MTREX: variants seen among roughly 807,000 people sequenced by gnomAD.
MTREX encodes Mtr4 exosome RNA helicase.
Under a neutral mutation model 135.4 loss-of-function variants are expected in MTREX, and 76 were observed. The ratio of observed to expected loss-of-function variants is 0.56; its 90% CI spans 0.47 to 0.68. The LOEUF is 0.68. MTREX is among the 30% of genes least tolerant of loss of function. MTREX has a pLI of 0.00. For synonymous variants in MTREX, 404 were observed against 401.6 expected (o/e 1.01, Z -0.07); for missense variants, 920 against 1,262.1 (o/e 0.73, Z 4.11).
chr5:55,374,264 TTATATATA>T (rs763872215), intron 16 of MTREX, among the ~76,000 whole-genome samples: 2 of 139,654 alleles, frequency 1.4e-5, no homozygotes, highest in African/African-American at 2.7e-5. Context: ...CAAAAAACAT[TTATATATA>T]TATATATATA....
intron 5 of MTREX, among the ~76,000 whole-genome samples, chr5:55,337,296 T>TTTTA (rs760703872): frequency 6.3e-4 from 96 of 151,856 alleles, no homozygotes; most frequent in Non-Finnish European, 1.1e-3. Flanking sequence ...AATTTTTATA[T>TTTTA]TTTATTTATT....
At chr5:55,394,657 C>T (rs1750620153) in intron 19 of MTREX, among the ~76,000 whole-genome samples, 1 of 152,178 alleles carries the variant, frequency 6.6e-6, no homozygotes, top group Admixed American at 6.5e-5. Flanking sequence ...GCTGCATGGC[C>T]TGGTTCTTAA....
Position 55,315,814 on chromosome 5 carries a change from T to TAGG in MTREX, c.135-6512_135-6510dup, listed in dbSNP as rs373832285. Among the ~76,000 whole-genome samples, 227 of 148,894 alleles carry TAGG rather than the reference T, an allele frequency of 1.5e-3. 2 individuals carry two copies. Among genetic ancestry groups the TAGG allele is most frequent in the African/African-American group, 5.3e-3 (213 of 40,218 alleles). On this transcript the variant is annotated intron_variant, in intron 1 of 26. Coordinates refer to ENST00000230640, the MANE Select transcript of MTREX (RefSeq NM_015360.5). ...GGCTCATGCCTGTAGTCCCAGCTAG[T>TAGG]AGGGAGGCTGGGGCCACCCTGGATG...
At chr5:55,409,139 G>C (rs1233622737) in intron 22 of MTREX, among the ~76,000 whole-genome samples, 1 of 151,912 alleles carries the variant, frequency 6.6e-6, no homozygotes, top group Non-Finnish European at 1.5e-5. Flanking sequence ...GCTTTGTAGA[G>C]ACAGGGTTTT....
At chr5:55,381,751 C>T (rs574435969) in intron 18 of MTREX, among the ~76,000 whole-genome samples, 1 of 152,214 alleles carries the variant, frequency 6.6e-6, no homozygotes, top group Admixed American at 6.5e-5. Flanking sequence ...TATAGATGTC[C>T]TTTAGGTCTA....
At chr5:55,365,912 A>C (rs1421606457) in intron 15 of MTREX, among the ~76,000 whole-genome samples, 1 of 150,654 alleles carries the variant, frequency 6.6e-6, no homozygotes, top group Admixed American at 6.7e-5. Flanking sequence ...AATTGCTTGA[A>C]CCCGGGAGGC....
intron 16 of MTREX, among the ~76,000 whole-genome samples, chr5:55,367,365 A>G (rs1315079356): frequency 6.6e-6 from 1 of 152,036 alleles, no homozygotes; most frequent in Non-Finnish European, 1.5e-5. Context: ...GGGCTTCTGT[A>G]GTCCCAGCTA....
At chr5:55,311,497 A>G (rs902785744) in intron 1 of MTREX, among the ~76,000 whole-genome samples, 1 of 152,172 alleles carries the variant, frequency 6.6e-6, no homozygotes, top group Non-Finnish European at 1.5e-5. Context: ...GGATGAGTGA[A>G]GGGAGAAACC....
At position 55,366,707 on chromosome 5, in the gene MTREX, A is replaced by G; in HGVS notation, c.1660-18A>G. ...TTATTTGGAAAACTACAAAATTGACATTTTTTTTCTCTCTTAGGGCTCCGC... is the reference window on the plus strand; with the variant it reads ...TTATTTGGAAAACTACAAAATTGACGTTTTTTTTCTCTCTTAGGGCTCCGC... On this transcript the variant is annotated intron_variant, in intron 15 of 26. Transcript: ENST00000230640. The G allele has an allele frequency of 6.6e-7, 1 of 1,513,760 alleles. No individual in the cohort carries two copies. 93.8% of individuals were successfully genotyped at this position (1,513,760 alleles called of 1,614,324 possible). A position where few individuals can be genotyped will look rare whatever the true frequency, so the allele number is the denominator to read the frequency against.
chr5:55,316,003 AACACCTCTAC>A (rs1749193126), intron 1 of MTREX, among the ~76,000 whole-genome samples: 1 of 152,176 alleles, frequency 6.6e-6, no homozygotes, highest in South Asian at 2.1e-4. Context: ...AACTATTATG[AACACCTCTAC>A]ACACACAAAC....
intron 18 of MTREX, among the ~76,000 whole-genome samples, chr5:55,379,885 A>G (rs1429886436): frequency 6.6e-6 from 1 of 152,190 alleles, no homozygotes; most frequent in Non-Finnish European, 1.5e-5. Context: ...TTTTACCTAT[A>G]CTGAAGTGCT....
At chr5:55,308,437 C>G (rs769982886) in intron 1 of MTREX, among the ~76,000 whole-genome samples, 5 of 151,704 alleles carry the variant, frequency 3.3e-5, no homozygotes, top group Non-Finnish European at 7.4e-5. Context: ...CAGCACAACA[C>G]CTGGCACATA....
At chr5:55,406,428 G>A (rs1024660664) in intron 22 of MTREX, among the ~76,000 whole-genome samples, 16 of 152,210 alleles carry the variant, frequency 1.1e-4, no homozygotes, top group African/African-American at 3.6e-4. Flanking sequence ...AGCAGCCTCA[G>A]GATGCTTACA....
rs1056680348 is a variant in MTREX, at chr5:55,425,272, G to C, written c.*500G>C. Reference sequence around the variant, plus strand: ...GTGTTTCATGCAGAGTTGTATGAGAGTCCTCCTCTTTTCTTTCTTTAAAAG... The same window carrying C: ...GTGTTTCATGCAGAGTTGTATGAGACTCCTCCTCTTTTCTTTCTTTAAAAG... On this transcript the variant is annotated 3_prime_UTR_variant, in exon 27 of 27. Transcript: ENST00000230640. The C allele has an allele frequency of 1.2e-6, 2 of 1,611,854 alleles. No homozygotes were observed. Among genetic ancestry groups the C allele is most frequent in the Non-Finnish European group, 1.7e-6 (2 of 1,178,164 alleles).
intron 15 of MTREX, among the ~76,000 whole-genome samples, chr5:55,361,456 G>A (rs1750006752): frequency 6.6e-6 from 1 of 152,120 alleles, no homozygotes; most frequent in Non-Finnish European, 1.5e-5. Flanking sequence ...TTATATATTT[G>A]AGCATGTAAA....
At chr5:55,406,957 C>T (rs1478640515) in intron 22 of MTREX, among the ~76,000 whole-genome samples, 9 of 152,210 alleles carry the variant, frequency 5.9e-5, no homozygotes, top group Non-Finnish European at 2.9e-5. Context: ...TTGCCTCTGT[C>T]CTCCTTAACT....
At chr5:55,401,410 G>T (rs1275130911) in intron 21 of MTREX, among the ~76,000 whole-genome samples, 1 of 152,072 alleles carries the variant, frequency 6.6e-6, no homozygotes, top group African/African-American at 2.4e-5. Flanking sequence ...CAGGACATTT[G>T]TTTTTTTCTA....
chr5:55,330,227 C>T (rs1486165820), intron 5 of MTREX, among the ~76,000 whole-genome samples: 1 of 151,930 alleles, frequency 6.6e-6, no homozygotes, highest in African/African-American at 2.4e-5. Context: ...AGGCATGTGC[C>T]ACCATGACTG....
At chr5:55,404,969 A>G (rs1451447248) in intron 21 of MTREX, among the ~76,000 whole-genome samples, 1 of 151,708 alleles carries the variant, frequency 6.6e-6, no homozygotes, top group African/African-American at 2.4e-5. Context: ...CACCATGCCC[A>G]GCTGATTTTT....
Sources: allele counts gnomAD v4.1 joint callset (sites outside exome capture counted in the v4.1 genomes callset), GRCh38; gene constraint gnomAD v4.1.1; transcripts MANE v1.5; gene names NCBI Gene and HGNC (gene_info 2026-07-23, HGNC 2026-07-21).